NAALADL2: variants seen among roughly 807,000 people sequenced by gnomAD.
NAALADL2 encodes inactive N-acetylated-alpha-linked acidic dipeptidase-like protein 2.
NAALADL2 carries 76 observed loss-of-function variants against 87.2 expected under a neutral mutation model. The observed-to-expected ratio is 0.87, with a 90% CI of 0.72 to 1.05. The LOEUF (loss-of-function observed/expected upper bound fraction) is 1.05. NAALADL2 is among the 50% of genes least tolerant of loss of function. The probability of loss-of-function intolerance (pLI) is 0.00; values close to 1 mark genes in which losing one functional copy is unlikely to be tolerated. For missense variants in NAALADL2, 1,089 were observed against 945.8 expected (o/e 1.15, Z -1.99); for synonymous variants, 354 against 331.0 (o/e 1.07, Z -0.75).
At chr3:175,783,356 T>C (rs1161717745) in intron 13 of NAALADL2, among the ~76,000 whole-genome samples, 2 of 151,740 alleles carry the variant, frequency 1.3e-5, no homozygotes, top group South Asian at 2.1e-4. Context: ...TGTTCTTCCA[T>C]TTGTTTGTAT....
chr3:175,311,711 C>T (rs890605358), intron 4 of NAALADL2, among the ~76,000 whole-genome samples: 1 of 150,746 alleles, frequency 6.6e-6, no homozygotes, highest in Non-Finnish European at 1.5e-5. Flanking sequence ...TCTCTCCCTC[C>T]CTCCTTCCTT....
intron 1 of NAALADL2, among the ~76,000 whole-genome samples, chr3:175,035,640 A>G (rs1452162623): frequency 6.6e-6 from 1 of 152,170 alleles, no homozygotes; most frequent in Admixed American, 6.6e-5. Flanking sequence ...AAGAATGTGA[A>G]AAAACTGGAA....
At position 175,013,283 on chromosome 3, in the gene NAALADL2, A is replaced by ATTTT. The variant is rs1560476095; in HGVS notation, c.44-83506_44-83505insTTTT. Among the ~76,000 whole-genome samples the ATTTT allele has an allele frequency of 7.1e-3, 585 of 82,974 alleles. 20 individuals carry two copies. Among genetic ancestry groups the ATTTT allele is most frequent in the African/African-American group, 0.037 (558 of 15,158 alleles). 54.4% of individuals were successfully genotyped at this position (82,974 alleles called of 152,430 possible). On this transcript the variant is annotated intron_variant, in intron 1 of 13. Coordinates refer to ENST00000454872, the MANE Select transcript of NAALADL2 (RefSeq NM_207015.3). ...CATATATTTTTATATATATACATATATATATATATATATATATATTTTTTT... is the reference window on the plus strand; with the variant it reads ...CATATATTTTTATATATATACATATATTTTTATATATATATATATATATTTTTTT...
At chr3:174,730,885 C>T (rs1184893608) in intron 2 of NAALADL2, among the ~76,000 whole-genome samples, 2 of 151,912 alleles carry the variant, frequency 1.3e-5, no homozygotes, top group Non-Finnish European at 2.9e-5. Context: ...ATAGACAAAG[C>T]TGCTTGTGTT....
chr3:175,237,994 A>C (rs1746200553), intron 3 of NAALADL2, among the ~76,000 whole-genome samples: 1 of 152,174 alleles, frequency 6.6e-6, no homozygotes, highest in Non-Finnish European at 1.5e-5. Context: ...TTACTATCAA[A>C]GAGTACTCAT....
chr3:175,442,949 T>C (rs904041732), intron 5 of NAALADL2, among the ~76,000 whole-genome samples: 4 of 152,214 alleles, frequency 2.6e-5, no homozygotes, highest in Admixed American at 2.6e-4. Context: ...AATGGATTCT[T>C]ATAGTTCATA....
At chr3:175,283,503 C>A (rs1754582319) in intron 4 of NAALADL2, among the ~76,000 whole-genome samples, 1 of 152,022 alleles carries the variant, frequency 6.6e-6, no homozygotes, top group South Asian at 2.1e-4. Flanking sequence ...GGAAACTAAA[C>A]AATCCTACCA....
At chr3:175,679,888 G>C (rs148424819) in intron 11 of NAALADL2, among the ~76,000 whole-genome samples, 175 of 152,154 alleles carry the variant, frequency 1.2e-3, no homozygotes, top group African/African-American at 4.1e-3. Context: ...TTTAGAACTT[G>C]AGCTCAGACA....
chr3:175,623,150 TA>T (rs549998836), intron 10 of NAALADL2, among the ~76,000 whole-genome samples: 20 of 149,334 alleles, frequency 1.3e-4, no homozygotes, highest in Middle Eastern at 3.4e-3. Flanking sequence ...AATTTATGCA[TA>T]AAAAAATGCA....
chr3:174,806,650 C>A (rs957962968), intron 3 of NAALADL2, among the ~76,000 whole-genome samples: 2 of 152,196 alleles, frequency 1.3e-5, no homozygotes. Flanking sequence ...TAATAATTAC[C>A]TGGAATGTGA....
rs150861139 is a variant in NAALADL2 at position 175,724,208 on chromosome 3, T to C, written c.1897-13098T>C. Among the ~76,000 whole-genome samples the C allele has an allele frequency of 1.5e-4, 23 of 152,244 alleles. No individual in the cohort carries two copies. In the East Asian group the frequency reaches 4.4e-3, roughly 29 times the overall value. ...TGGTTTAACTGGTCAACTATAAAGA[T>C]ACTAAAATTCTTGAATTGTTGGGCT... On this transcript the variant is annotated intron_variant, in intron 11 of 13. Coordinates refer to ENST00000454872, the MANE Select transcript of NAALADL2 (RefSeq NM_207015.3).
intron 2 of NAALADL2, among the ~76,000 whole-genome samples, chr3:175,124,929 C>G (rs1429679029): frequency 6.6e-6 from 1 of 151,730 alleles, no homozygotes; most frequent in Non-Finnish European, 1.5e-5. Context: ...GACATGAGCA[C>G]TAAAGTTTTG....
intron 2 of NAALADL2, among the ~76,000 whole-genome samples, chr3:175,128,835 A>G (rs1727357580): frequency 6.6e-6 from 1 of 151,940 alleles, no homozygotes; most frequent in South Asian, 2.1e-4. Flanking sequence ...TTTTATTTTT[A>G]TTTAAAATAT....
intron 1 of NAALADL2, among the ~76,000 whole-genome samples, chr3:174,908,637 G>T (rs1488560026): frequency 6.6e-6 from 1 of 152,028 alleles, no homozygotes; most frequent in Non-Finnish European, 1.5e-5. Context: ...ATAACCTCTT[G>T]CTTTCATAAT....
chr3:174,787,578 T>TATATATATATATATATATAC (rs1553855315), intron 3 of NAALADL2, among the ~76,000 whole-genome samples: 2 of 29,412 alleles, frequency 6.8e-5, no homozygotes, highest in Non-Finnish European at 1.4e-4. Context: ...TATATCATCA[T>TATATATATATATATATATAC]ATATATATAT....
At chr3:175,765,507 A>G (rs1748572415) in intron 13 of NAALADL2, among the ~76,000 whole-genome samples, 1 of 152,148 alleles carries the variant, frequency 6.6e-6, no homozygotes, top group South Asian at 2.1e-4. Flanking sequence ...ACTTGTTTTA[A>G]AAATTTCAGT....
intron 1 of NAALADL2, among the ~76,000 whole-genome samples, chr3:174,913,532 T>C (rs1011164953): frequency 6.6e-6 from 1 of 152,284 alleles, no homozygotes; most frequent in Admixed American, 6.5e-5. Context: ...GTTGTGGCAG[T>C]GGGCTTTGGG....
In NAALADL2 at chr3:175,522,184, T is replaced by C. The variant is rs181838390; in HGVS notation, c.1653+50426T>C. ...TCTAAGTCTTTGCTTTATTCTCTTC[T>C]AAGCACATTATTTAAAATTATATTT... is the stretch of plus-strand genomic sequence containing the variant. On this transcript the variant is annotated intron_variant, in intron 9 of 13. Transcript: ENST00000454872. Among the ~76,000 whole-genome samples, 1,273 of 152,324 alleles carry C rather than the reference T, an allele frequency of 8.4e-3. 21 individuals are homozygous for C. Among genetic ancestry groups the C allele is most frequent in the African/African-American group, 0.029 (1,220 of 41,590 alleles).
chr3:175,743,811 C>T lies in NAALADL2; in HGVS notation c.1990+6412C>T, dbSNP rs146501877. ...AGAGTGCAGACATTGGTAAGGACAG[C>T]GTCCAGGCCAGTGTATGACCATGAG... On this transcript the variant is annotated intron_variant, in intron 12 of 13. Transcript: ENST00000454872. Among the ~76,000 whole-genome samples the T allele has an allele frequency of 3.4e-3, 524 of 152,256 alleles. 2 individuals carry two copies. Among genetic ancestry groups the T allele is most frequent in the Middle Eastern group, 6.8e-3 (2 of 292 alleles).
Sources: gnomAD v4.1 joint callset for allele counts (sites outside exome capture counted in the v4.1 genomes callset) on GRCh38, gnomAD v4.1.1 for gene constraint, MANE v1.5 for transcripts, NCBI Gene and HGNC (gene_info 2026-07-23, HGNC 2026-07-21) for gene names.